Variants in REG3A observed in about 807,000 individuals in gnomAD.
The protein encoded by REG3A is regenerating islet-derived protein 3-alpha.
A neutral mutation model predicts 20.5 loss-of-function variants in REG3A; 15 were observed. The ratio of observed to expected loss-of-function variants is 0.73; its 90% CI spans 0.49 to 1.12. REG3A has a LOEUF of 1.12. Among genes scored for constraint, REG3A ranks in the 50% most tolerant of loss-of-function variants. The pLI is 0.00. For missense variants in REG3A, 224 were observed against 213.1 expected (o/e 1.05, Z -0.32); for synonymous variants, 93 against 83.2 (o/e 1.12, Z -0.64).
At chr2:79,158,138 G>T (rs938158179) in intron 4 of REG3A, among the ~76,000 whole-genome samples, 188 bp downstream of exon 4, 4 of 152,150 alleles carry the variant, frequency 2.6e-5, no homozygotes, top group African/African-American at 9.7e-5. Flanking sequence ...TTATCTGAAA[G>T]ATAGAGACCT....
At chr2:79,157,736 C>G (rs1051181081) in intron 4 of REG3A, 38 bp from the exon 5 acceptor site, 1 of 1,599,804 alleles carries the variant, frequency 6.3e-7, no homozygotes, top group Non-Finnish European at 8.5e-7. Flanking sequence ...AAGGGAATGG[C>G]CATTGCAGCT....
chr2:79,158,560 G>C (rs560963480), intron 3 of REG3A, 91 bp downstream of exon 3: 1 of 1,602,680 alleles, frequency 6.2e-7, no homozygotes, highest in East Asian at 2.2e-5. Flanking sequence ...AAAGATAAAC[G>C]TGTTCATCCT....
In REG3A at chr2:79,158,406, C is replaced by G; in HGVS notation, c.253G>C (p.Gly85Arg). Residue 85 changes from glycine to arginine, a missense_variant, in exon 4 of 6, where the codon GGA becomes CGA. Transcript: ENST00000305165. ...TTCACCAGGGAGGACACGAAGGATC[C>G]CTCAGCCCCACTGAGCACAGACACC... ...NLVSVLSGAEGSFVSSLVKSI... is the reference protein window; with the variant it reads ...NLVSVLSGAERSFVSSLVKSI... 1 of 1,614,132 alleles carries G rather than the reference C, an allele frequency of 6.2e-7. No homozygotes were observed. The highest frequency in any genetic ancestry group is 8.5e-7 in the Non-Finnish European group (1 of 1,180,018).
chr2:79,157,375 G>T, intron 5 of REG3A, 82 bp from the exon 6 acceptor site: 1 of 1,489,730 alleles, frequency 6.7e-7, no homozygotes, highest in Non-Finnish European at 9.3e-7. Flanking sequence ...TTTTAGCCTA[G>T]AAGTTAAAGC....
In REG3A at chr2:79,157,103, A is replaced by T; in HGVS notation, c.*123T>A. 1 of 741,062 alleles carries T rather than the reference A, an allele frequency of 1.3e-6. No homozygotes were observed. The highest frequency in any genetic ancestry group is 2.1e-5 in the Admixed American group (1 of 47,426). 45.9% of individuals were successfully genotyped at this position (741,062 alleles called of 1,614,324 possible). ...GGGGAGGAAGAAACAGAAGAAAGATAAGAATGAGGTGGTCAGGTTGGGGGA... is the reference window on the plus strand; with the variant it reads ...GGGGAGGAAGAAACAGAAGAAAGATTAGAATGAGGTGGTCAGGTTGGGGGA... On this transcript the variant is annotated 3_prime_UTR_variant, in exon 6 of 6. Coordinates refer to ENST00000305165, the MANE Select transcript of REG3A (RefSeq NM_002580.3).
Position 79,159,455 on chromosome 2 carries a change from T to TC in REG3A, c.-34-17dup, listed in dbSNP as rs1558559229. The TC allele has an allele frequency of 5.1e-6, 8 of 1,583,334 alleles. No individual in the cohort carries two copies. The highest frequency in any genetic ancestry group is 6.9e-6 in the Non-Finnish European group (8 of 1,152,532). On this transcript the variant is annotated splice_polypyrimidine_tract_variant and intron_variant, in intron 1 of 5. Transcript: ENST00000305165. ...TCAGGAGTCACTAAAGAAAGCGTGG[T>TC]CAGTGGGAGAACACACAGATACCCC...
chr2:79,159,363 G>T lies in REG3A; in HGVS notation c.43C>A (p.Leu15Ile), dbSNP rs756356041. The T allele has an allele frequency of 6.2e-7, 1 of 1,613,808 alleles. No homozygotes were observed. Among genetic ancestry groups the T allele is most frequent in the Non-Finnish European group, 8.5e-7 (1 of 1,179,990 alleles). ...MALPSVSWML[L>I]SCLMLLSQVQ... ...TGAGACAGCAGCATGAGGCAGGAAA[G>T]CAGCATCCAAGATACACTGGGCAGG... The change falls in exon 2 of 6, where the codon CTT becomes ATT. Residue 15 changes from leucine (L) to isoleucine (I), a missense_variant. Leu to Ile is a conservative substitution (Grantham distance 5, BLOSUM62 2). Transcript: ENST00000305165.
At chr2:79,158,146 C>T (rs1283118438) in intron 4 of REG3A, among the ~76,000 whole-genome samples, 180 bp downstream of exon 4, 1 of 152,106 alleles carries the variant, frequency 6.6e-6, no homozygotes, top group Admixed American at 6.5e-5. Context: ...AAGATAGAGA[C>T]CTCCACAGAA....
intron 4 of REG3A, among the ~76,000 whole-genome samples, chr2:79,157,932 C>G (rs940111228): frequency 1.3e-5 from 2 of 152,106 alleles, no homozygotes; most frequent in Non-Finnish European, 2.9e-5. Context: ...ATTTGCAGAA[C>G]AATAATTGAT....
chr2:79,158,558 A>G (rs1273863066), intron 3 of REG3A, 93 bp downstream of exon 3: 11 of 1,604,140 alleles, frequency 6.9e-6, no homozygotes, highest in East Asian at 2.2e-5. Flanking sequence ...TGAAAGATAA[A>G]CGTGTTCATC....
At chr2:79,158,021 T>G (rs1421530446) in intron 4 of REG3A, among the ~76,000 whole-genome samples, 1 of 152,156 alleles carries the variant, frequency 6.6e-6, no homozygotes, top group Non-Finnish European at 1.5e-5. Flanking sequence ...CTATCTTCAT[T>G]AAGAGTTCCT....
chr2:79,159,414 C>T lies in REG3A; in HGVS notation c.-9G>A, dbSNP rs770646728. On this transcript the variant is annotated 5_prime_UTR_variant, in exon 2 of 6. Transcript: ENST00000305165. ...GCCATGGGAGGCAGCATAGTGTCTG[C>T]GACTTGAGGAGGCAATCAGGAGTCA... The T allele has an allele frequency of 2.3e-5, 37 of 1,613,478 alleles. No individual in the cohort carries two copies. The highest frequency in any genetic ancestry group is 2.7e-5 in the African/African-American group (2 of 74,802).
chr2:79,157,675 A>C lies in REG3A; in HGVS notation c.357T>G (p.Gly119=). The part of the protein sequence containing the change: ...PTQGTEPNGE[G]WEWSSSDVMN... The stretch of plus-strand genomic sequence containing the variant: ...TCACATCACTGCTACTCCACTCCCA[A>C]CCTTCTCCATTGGGCTCGGTGCCCT... Residue 119 remains glycine (G), a synonymous_variant, in exon 5 of 6, where the codon GGT becomes GGG. Transcript: ENST00000305165. The C allele has an allele frequency of 6.2e-7, 1 of 1,614,004 alleles. No homozygotes were observed. Among genetic ancestry groups the C allele is most frequent in the East Asian group, 2.2e-5 (1 of 44,844 alleles).
chr2:79,158,621 T>C, intron 3 of REG3A, 30 bp downstream of exon 3: 2 of 1,612,400 alleles, frequency 1.2e-6, no homozygotes, highest in Non-Finnish European at 8.5e-7. Flanking sequence ...CTGAGACCGG[T>C]CACCTCCAAC....
chr2:79,158,659 C>A lies in REG3A; in HGVS notation c.187G>T (p.Asp63Tyr), dbSNP rs185222126. The part of the protein sequence containing the change: ...ALFLSPKSWT[D>Y]ADLACQKRPS... ...CACATCTAACCACTCACATCTGCATCTGTCCAGGATTTTGGTGACAAAAAC... is the reference window on the plus strand; with the variant it reads ...CACATCTAACCACTCACATCTGCATATGTCCAGGATTTTGGTGACAAAAAC... The change falls in exon 3 of 6, where the codon GAT becomes TAT. Residue 63 changes from aspartate to tyrosine, a missense_variant. By Grantham distance (160) the Asp-to-Tyr change is radical (BLOSUM62 -3). Transcript: ENST00000305165. 3 of 1,614,210 alleles carry A rather than the reference C, an allele frequency of 1.9e-6. No individual in the cohort carries two copies. The highest frequency in any genetic ancestry group is 2.5e-6 in the Non-Finnish European group (3 of 1,179,998).
At chr2:79,158,579 A>T in intron 3 of REG3A, 72 bp downstream of exon 3, 1 of 1,607,126 alleles carries the variant, frequency 6.2e-7, no homozygotes, top group Non-Finnish European at 8.5e-7. Context: ...CTCATTCCCA[A>T]GGAACTCTCC....
In REG3A at chr2:79,158,724, G is replaced by A. The variant is rs762429049; in HGVS notation, c.122C>T (p.Pro41Leu). 2 of 1,614,048 alleles carry A rather than the reference G, an allele frequency of 1.2e-6. No homozygotes were observed. Among genetic ancestry groups the A allele is most frequent in the Non-Finnish European group, 1.7e-6 (2 of 1,180,014 alleles). The stretch of plus-strand genomic sequence containing the variant: ...GGAGCCATAGGCCTTGGAGCCTTTG[G>A]GACAGCGGATCCGTGCAGAGGGCAG... The part of the protein sequence containing the change: ...RELPSARIRC[P>L]KGSKAYGSHC... Residue 41 changes from proline (P) to leucine (L), a missense_variant, in exon 3 of 6, where the codon CCC becomes CTC. Pro to Leu is a moderately conservative substitution (Grantham distance 98, BLOSUM62 -3). Transcript: ENST00000305165.
Position 79,158,664 on chromosome 2 carries a change from C to T in REG3A, c.182G>A (p.Trp61Ter). The T allele has an allele frequency of 6.2e-7, 1 of 1,614,196 alleles. No homozygotes were observed. Among genetic ancestry groups the T allele is most frequent in the African/African-American group, 1.3e-5 (1 of 75,060 alleles). Residue 61 changes from tryptophan to a stop codon, truncating the protein, a stop_gained, in exon 3 of 6, where the codon TGG (tryptophan) becomes TAG (stop). Transcript: ENST00000305165. LOFTEE classifies it high-confidence loss of function. ...CYALFLSPKS[W>*]TDADLACQKR... ...CTAACCACTCACATCTGCATCTGTCCAGGATTTTGGTGACAAAAACAAGGC... is the reference window on the plus strand; with the variant it reads ...CTAACCACTCACATCTGCATCTGTCTAGGATTTTGGTGACAAAAACAAGGC...
rs948387389 is a variant in REG3A at position 79,159,730 on chromosome 2, C to T, written c.-37G>A. The T allele has an allele frequency of 3.7e-5, 11 of 295,020 alleles. No individual in the cohort carries two copies. Among genetic ancestry groups the T allele is most frequent in the African/African-American group, 2.3e-4 (11 of 47,456 alleles). 18.3% of individuals were successfully genotyped at this position (295,020 alleles called of 1,614,324 possible). ...ATCTTCTCTCAGCTCCCACTTACCT[C>T]TCTGGTGGGATATGGTATGGTTTGT... On this transcript the variant is annotated splice_region_variant and 5_prime_UTR_variant, in exon 1 of 6. Transcript: ENST00000305165.
Sources: gnomAD v4.1 joint callset for allele counts (sites outside exome capture counted in the v4.1 genomes callset) on GRCh38, gnomAD v4.1.1 for gene constraint, MANE v1.5 for transcripts, NCBI Gene and HGNC (gene_info 2026-07-23, HGNC 2026-07-21) for gene names.